TANK: variants seen among roughly 807,000 people sequenced by gnomAD.
TANK encodes TRAF family member-associated NF-kappa-B activator.
Under a neutral mutation model 43.6 loss-of-function variants are expected in TANK, and 15 were observed. The ratio of observed to expected loss-of-function variants is 0.34; its 90% CI spans 0.23 to 0.53. The LOEUF is 0.53. Among genes scored for constraint, TANK ranks in the 20% least tolerant of loss-of-function variants. The pLI is 0.94. For missense variants in TANK, 417 were observed against 498.6 expected (o/e 0.84, Z 1.56); for synonymous variants, 162 against 178.2 (o/e 0.91, Z 0.73).
intron 1 of TANK, among the ~76,000 whole-genome samples, chr2:161,171,249 A>G (rs763825345): frequency 2.4e-4 from 37 of 152,336 alleles, no homozygotes; most frequent in African/African-American, 6.5e-4. Context: ...GGAATATTCA[A>G]CAGTCTGAAG....
intron 1 of TANK, among the ~76,000 whole-genome samples, chr2:161,149,699 GT>G (rs952968266): frequency 1.3e-5 from 2 of 149,240 alleles, no homozygotes. Flanking sequence ...AAGGGTGTTG[GT>G]TTTTTTCAAA....
At chr2:161,184,561 G>A (rs983202583) in intron 2 of TANK, among the ~76,000 whole-genome samples, 1 of 152,060 alleles carries the variant, frequency 6.6e-6, no homozygotes, top group African/African-American at 2.4e-5. Context: ...TCAAAATGAG[G>A]ACATAAATTA....
At chr2:161,141,564 T>C (rs1311427019) in intron 1 of TANK, among the ~76,000 whole-genome samples, 1 of 152,182 alleles carries the variant, frequency 6.6e-6, no homozygotes, top group Non-Finnish European at 1.5e-5. Context: ...CTCACACTTA[T>C]GAGTTAGAAC....
At chr2:161,224,809 A>G (rs1687529275) in intron 6 of TANK, 63 bp downstream of exon 6, 1 of 1,020,066 alleles carries the variant, frequency 9.8e-7, no homozygotes, top group African/African-American at 1.7e-5. Flanking sequence ...TTCCTTTTGA[A>G]TGTGAAAATA....
intron 2 of TANK, among the ~76,000 whole-genome samples, chr2:161,186,382 G>A (rs1444029756): frequency 2.6e-5 from 4 of 151,802 alleles, no homozygotes; most frequent in Non-Finnish European, 5.9e-5. Context: ...GGTTGGAGTG[G>A]TTTTTCTTTG....
chr2:161,160,533 C>A, intron 1 of TANK, 47 bp downstream of exon 1: 1 of 1,274,814 alleles, frequency 7.8e-7, no homozygotes, highest in Non-Finnish European at 1.0e-6. Flanking sequence ...CCGTCAAGCA[C>A]GACGTCGGAG....
At chr2:161,146,260 G>T (rs1683908211) in intron 1 of TANK, among the ~76,000 whole-genome samples, 1 of 151,964 alleles carries the variant, frequency 6.6e-6, no homozygotes, top group African/African-American at 2.4e-5. Context: ...CTTTGCATTG[G>T]GTTAGAACAT....
intron 6 of TANK, among the ~76,000 whole-genome samples, chr2:161,230,185 T>G (rs1249133260): frequency 5.3e-5 from 8 of 152,172 alleles, no homozygotes; most frequent in Non-Finnish European, 8.8e-5. Flanking sequence ...AATTCATCTA[T>G]CTATGAACCT....
chr2:161,160,041 T>A (rs1351523874), upstream of TANK: 1 of 178,116 alleles, frequency 5.6e-6, no homozygotes, highest in African/African-American at 2.3e-5. Context: ...AGGAGTCGGT[T>A]GGTGAAACTA....
chr2:161,183,944 A>ATAAT (rs1685541139), intron 2 of TANK, among the ~76,000 whole-genome samples: 1 of 152,162 alleles, frequency 6.6e-6, no homozygotes, highest in Non-Finnish European at 1.5e-5. Flanking sequence ...TTGTACTATA[A>ATAAT]TAGAGATCAG....
chr2:161,169,254 T>G (rs528619263), intron 1 of TANK, among the ~76,000 whole-genome samples: 2 of 152,252 alleles, frequency 1.3e-5, no homozygotes, highest in African/African-American at 4.8e-5. Flanking sequence ...TCTAAAGAGA[T>G]AGAATACCTG....
chr2:161,223,976 C>T lies in TANK; in HGVS notation c.389C>T (p.Pro130Leu). 1.3e-6 allele frequency: 2 copies of T among 1,596,666 alleles called. No individual in the cohort carries two copies. The highest frequency in any genetic ancestry group is 1.7e-6 in the Non-Finnish European group (2 of 1,168,600). ...KETSARSLGSPLLHERGNIEK... is the reference protein window; with the variant it reads ...KETSARSLGSLLLHERGNIEK... ...ACTTCAGCAAGGAGTCTTGGCAGTCCTTTGCTCCATGAAAGGTAGTTCTAC... is the reference window on the plus strand; with the variant it reads ...ACTTCAGCAAGGAGTCTTGGCAGTCTTTTGCTCCATGAAAGGTAGTTCTAC... Residue 130 changes from proline to leucine, a missense_variant, in exon 5 of 8, where the codon CCT (proline) becomes CTT (leucine). Pro to Leu is a moderately conservative substitution (Grantham distance 98, BLOSUM62 -3). Transcript: ENST00000392749.
chr2:161,217,480 C>T (rs1574052665), intron 4 of TANK, among the ~76,000 whole-genome samples: 2 of 152,002 alleles, frequency 1.3e-5, no homozygotes, highest in East Asian at 1.9e-4. Context: ...CAGGACAAAA[C>T]CATAGAAAAC....
intron 7 of TANK, 121 bp from the exon 8 acceptor site, chr2:161,235,221 T>C: frequency 1.2e-6 from 1 of 843,098 alleles, no homozygotes; most frequent in Non-Finnish European, 1.7e-6. Flanking sequence ...AGTAATTTGC[T>C]TTTATATTAG....
At chr2:161,215,110 C>G (rs1311123396) in intron 4 of TANK, among the ~76,000 whole-genome samples, 4 of 152,186 alleles carry the variant, frequency 2.6e-5, no homozygotes. Context: ...TGCCAGGATG[C>G]TCAGGGGCCA....
chr2:161,197,475 A>G (rs1352648080), intron 2 of TANK: 2 of 152,224 alleles, frequency 1.3e-5, no homozygotes, highest in African/African-American at 4.8e-5. Context: ...AACATGTGCT[A>G]CATGCTCTGT....
intron 5 of TANK, 39 bp downstream of exon 5, chr2:161,224,030 T>C (rs201826029): frequency 1.4e-5 from 18 of 1,277,810 alleles, no homozygotes; most frequent in Non-Finnish European, 1.9e-5. Context: ...TTAAAAATTA[T>C]CAATACTGAA....
At chr2:161,194,407 A>G (rs952872777) in intron 2 of TANK, among the ~76,000 whole-genome samples, 3 of 152,178 alleles carry the variant, frequency 2.0e-5, no homozygotes, top group African/African-American at 7.2e-5. Context: ...TTCAGATGCT[A>G]TGATGTATTA....
At chr2:161,169,945 A>G (rs1231027346) in intron 1 of TANK, among the ~76,000 whole-genome samples, 1 of 152,192 alleles carries the variant, frequency 6.6e-6, no homozygotes, top group Non-Finnish European at 1.5e-5. Context: ...ACCTGCAAAT[A>G]GATCTTTGTT....
Sources: gnomAD v4.1 joint callset for allele counts (sites outside exome capture counted in the v4.1 genomes callset) on GRCh38, gnomAD v4.1.1 for gene constraint, MANE v1.5 for transcripts, NCBI Gene and HGNC (gene_info 2026-07-23, HGNC 2026-07-21) for gene names.